Variants in SLC25A42 observed in about 807,000 individuals in gnomAD.
The protein encoded by SLC25A42 is solute carrier family 25 member 42.
Under a neutral mutation model 34.7 loss-of-function variants are expected in SLC25A42, and 19 were observed. That is an observed-to-expected ratio of 0.55 (90% confidence interval 0.38 to 0.80). The LOEUF is 0.80. Among genes scored for constraint, SLC25A42 ranks in the 30% least tolerant of loss-of-function variants. The pLI is 0.00. For synonymous variants in SLC25A42, 205 were observed against 191.2 expected (o/e 1.07, Z -0.59); for missense variants, 364 against 441.3 (o/e 0.82, Z 1.57).
intron 6 of SLC25A42, 113 bp downstream of exon 6, chr19:19,106,498 G>A (rs1348859837): frequency 1.3e-6 from 1 of 766,150 alleles, no homozygotes; most frequent in Non-Finnish European, 2.1e-6. Flanking sequence ...CTGGGCCTCC[G>A]TGTCCACAGG....
chr19:19,105,854 C>A (rs538380471), intron 5 of SLC25A42, 127 bp downstream of exon 5: 3 of 832,554 alleles, frequency 3.6e-6, no homozygotes, highest in Non-Finnish European at 5.5e-6. Flanking sequence ...CTTCCCACAA[C>A]GAAACACTGG....
rs567244781 is a variant in SLC25A42 at position 19,083,526 on chromosome 19, G to T, written c.-34-12565G>T. ...AGAGGGTTTCAGGATCTCCAGCCTC[G>T]GCTCTCTGGCCTCCTGCCCCTGCCC... On this transcript the variant is annotated intron_variant, in intron 1 of 7. Transcript: ENST00000318596. Among the ~76,000 whole-genome samples, 8 of 152,314 alleles carry T rather than the reference G, an allele frequency of 5.3e-5. No individual in the cohort carries two copies. The East Asian group carries it at 1.5e-3, about 29-fold the overall frequency.
chr19:19,103,885 CTTATTTATTTATTTAT>C (rs3040514), intron 3 of SLC25A42, among the ~76,000 whole-genome samples: 41 of 148,526 alleles, frequency 2.8e-4, no homozygotes, highest in East Asian at 1.0e-3. Context: ...AAGGGACAGC[CTTATTTATTTATTTAT>C]TTATTTATTT....
Position 19,103,507 on chromosome 19 carries a change from CCTT to C in SLC25A42, c.188-1402_188-1400del, listed in dbSNP as rs373461424. 4.3e-3 allele frequency among the ~76,000 whole-genome samples: 648 copies of C among 152,344 alleles called. 7 individuals are homozygous for C. The highest frequency in any genetic ancestry group is 0.015 in the African/African-American group (626 of 41,586). Reference sequence around the variant, plus strand: ...AAGGCCCTGCTTTCAGATAAGGTCACCTTCTTGGAGACTAGGGGTTAGAACTCA... The same window carrying C: ...AAGGCCCTGCTTTCAGATAAGGTCACCTTGGAGACTAGGGGTTAGAACTCA... On this transcript the variant is annotated intron_variant, in intron 3 of 7. Transcript: ENST00000318596.
At chr19:19,092,177 A>G (rs2059741524) in intron 1 of SLC25A42, among the ~76,000 whole-genome samples, 1 of 152,166 alleles carries the variant, frequency 6.6e-6, no homozygotes, top group Non-Finnish European at 1.5e-5. Flanking sequence ...CAGTCATTGC[A>G]CTTAGGGCCC....
intron 1 of SLC25A42, among the ~76,000 whole-genome samples, chr19:19,066,267 G>C (rs905197592): frequency 6.6e-6 from 1 of 152,146 alleles, no homozygotes; most frequent in African/African-American, 2.4e-5. Flanking sequence ...ACCTGCTGTT[G>C]ATAATTTCTT....
At chr19:19,093,022 G>A (rs1055791003) in intron 1 of SLC25A42, among the ~76,000 whole-genome samples, 4 of 152,072 alleles carry the variant, frequency 2.6e-5, no homozygotes, top group Admixed American at 2.6e-4. Context: ...AAGCAGTTTA[G>A]TTTATTTTTA....
chr19:19,071,683 A>G (rs1391040299), intron 1 of SLC25A42, among the ~76,000 whole-genome samples: 1 of 152,166 alleles, frequency 6.6e-6, no homozygotes, highest in East Asian at 1.9e-4. Flanking sequence ...CCTGGCCAAC[A>G]TGGTGAAACC....
intron 1 of SLC25A42, among the ~76,000 whole-genome samples, chr19:19,093,599 T>C (rs2059749246): frequency 1.3e-5 from 2 of 152,216 alleles, no homozygotes; most frequent in Non-Finnish European, 2.9e-5. Context: ...TCAGGCTCTT[T>C]GTTTTTGGTG....
intron 1 of SLC25A42, among the ~76,000 whole-genome samples, chr19:19,094,287 C>T (rs2059753282): frequency 1.3e-5 from 2 of 152,234 alleles, no homozygotes; most frequent in Admixed American, 6.5e-5. Context: ...TCTTCCCTAC[C>T]ATGTACTTAC....
intron 2 of SLC25A42, among the ~76,000 whole-genome samples, chr19:19,096,919 AG>A (rs2059768600): frequency 6.6e-6 from 1 of 152,128 alleles, no homozygotes; most frequent in Non-Finnish European, 1.5e-5. Flanking sequence ...CCTGAGCGAC[AG>A]GGTGAAACCC....
At chr19:19,077,285 G>A (rs965934916) in intron 1 of SLC25A42, among the ~76,000 whole-genome samples, 1 of 152,194 alleles carries the variant, frequency 6.6e-6, no homozygotes, top group African/African-American at 2.4e-5. Flanking sequence ...ACACTGTTGT[G>A]CAACCATCAC....
intron 1 of SLC25A42, among the ~76,000 whole-genome samples, chr19:19,089,584 G>A (rs921566633): frequency 2.0e-5 from 3 of 149,226 alleles, no homozygotes. Flanking sequence ...CAGATTCCAG[G>A]CAGCCAGGTG....
rs747209186 is a variant in SLC25A42, at chr19:19,105,713, T to C, written c.366T>C (p.Tyr122=). Residue 122 remains tyrosine (Y), a synonymous_variant, in exon 5 of 8, where the codon TAT becomes TAC. Coordinates refer to ENST00000318596, the MANE Select transcript of SLC25A42 (RefSeq NM_178526.5). ...EEYKRILGSY[Y]GFRGEALPPW... is the part of the protein sequence containing the mutation. ...ACAAGCGCATCCTGGGCAGCTACTA[T>C]GGCTTCCGTGGAGAGTGAGGCCCCG... 9 of 1,585,946 alleles carry C rather than the reference T, an allele frequency of 5.7e-6. No individual in the cohort carries two copies. Among genetic ancestry groups the C allele is most frequent in the Non-Finnish European group, 6.9e-6 (8 of 1,163,808 alleles).
At chr19:19,092,146 C>A (rs1288579184) in intron 1 of SLC25A42, among the ~76,000 whole-genome samples, 3 of 152,208 alleles carry the variant, frequency 2.0e-5, no homozygotes, top group Non-Finnish European at 4.4e-5. Context: ...GTGTCTCCTA[C>A]TCTGTCTCTT....
At chr19:19,086,888 T>TA (rs1200333190) in intron 1 of SLC25A42, among the ~76,000 whole-genome samples, 2 of 152,144 alleles carry the variant, frequency 1.3e-5, no homozygotes, top group African/African-American at 4.8e-5. Flanking sequence ...TTTACTTTGA[T>TA]ATACATATAT....
At chr19:19,091,813 GC>G (rs2059739683) in intron 1 of SLC25A42, among the ~76,000 whole-genome samples, 1 of 152,188 alleles carries the variant, frequency 6.6e-6, no homozygotes, top group Non-Finnish European at 1.5e-5. Flanking sequence ...GGAGGTCGAG[GC>G]TATAGTGAGC....
At chr19:19,078,532 T>TA (rs2145903035) in intron 1 of SLC25A42, among the ~76,000 whole-genome samples, 1 of 152,260 alleles carries the variant, frequency 6.6e-6, no homozygotes, top group Non-Finnish European at 1.5e-5. Flanking sequence ...GCAGTACCGA[T>TA]AGAGCCCGTG....
intron 1 of SLC25A42, 197 bp from the exon 2 acceptor site, chr19:19,095,894 A>C (rs992312715): frequency 1.6e-6 from 1 of 641,344 alleles, no homozygotes; most frequent in African/African-American, 1.8e-5. Context: ...ACTGTTTGTG[A>C]GGATTACATT....
Sources: allele counts gnomAD v4.1 joint callset (sites outside exome capture counted in the v4.1 genomes callset), GRCh38; gene constraint gnomAD v4.1.1; transcripts MANE v1.5; gene names NCBI Gene and HGNC (gene_info 2026-07-23, HGNC 2026-07-21).